CELA3B: variants seen among roughly 807,000 people sequenced by gnomAD.
The protein encoded by CELA3B is chymotrypsin like elastase 3B.
In CELA3B, 34 loss-of-function variants were observed where a neutral mutation model predicts 37.2. The ratio of observed to expected loss-of-function variants is 0.91; its 90% CI spans 0.70 to 1.22. CELA3B has a LOEUF of 1.22. CELA3B is among the 50% of genes most tolerant of loss of function. The pLI, the probability that CELA3B is intolerant of heterozygous loss-of-function variation, is 0.00. For missense variants in CELA3B, 340 were observed against 363.1 expected, an observed-to-expected ratio of 0.94 and a Z score of 0.52; for synonymous variants, 127 against 143.5, an observed-to-expected ratio of 0.89 and a Z score of 0.82.
At chr1:21,978,594 A>G (rs1644785567) in intron 2 of CELA3B, 140 bp downstream of exon 2, 1 of 1,039,326 alleles carries the variant, frequency 9.6e-7, no homozygotes, top group Non-Finnish European at 1.4e-6. Context: ...CCCTTGGACC[A>G]TCTACTTCAC....
In CELA3B at chr1:21,984,318, G is replaced by A. The variant is rs112944567; in HGVS notation, c.629G>A (p.Arg210His). Reference protein sequence around the residue: ...KTMVCAGGDIRSGCNGDSGGP... With the variant: ...KTMVCAGGDIHSGCNGDSGGP... ...ATGGTGTGTGCTGGAGGGGACATCC[G>A]CTCCGGCTGCAATGTGAGTCAGCTC... The change falls in exon 6 of 8, where the codon CGC (arginine) becomes CAC (histidine). Residue 210 changes from arginine to histidine, a missense_variant. By Grantham distance (29) the Arg-to-His change is conservative. Transcript: ENST00000337107. The A allele has an allele frequency of 0.017, 27,171 of 1,613,410 alleles. 368 individuals are homozygous for A. The highest frequency in any genetic ancestry group is 0.066 in the African/African-American group (4,958 of 74,984).
In CELA3B at chr1:21,984,306, G is replaced by C; in HGVS notation, c.617G>C (p.Gly206Ala). 6.2e-7 allele frequency: 1 copy of C among 1,614,036 alleles called. No homozygotes were observed. Among genetic ancestry groups the C allele is most frequent in the Non-Finnish European group, 8.5e-7 (1 of 1,179,984 alleles). Residue 206 changes from glycine (G) to alanine (A), a missense_variant, in exon 6 of 8, where the codon GGA (glycine) becomes GCA (alanine). Gly to Ala is a moderately conservative substitution (Grantham distance 60, BLOSUM62 0). Transcript: ENST00000337107. ...GTGAAGAAGACCATGGTGTGTGCTG[G>C]AGGGGACATCCGCTCCGGCTGCAAT... The part of the protein sequence containing the change: ...SSVKKTMVCA[G>A]GDIRSGCNGD...
downstream of CELA3B, among the ~76,000 whole-genome samples, chr1:21,993,625 C>T (rs1644877965): frequency 2.0e-5 from 3 of 150,156 alleles, no homozygotes; most frequent in Admixed American, 6.6e-5. Flanking sequence ...CTCACTGCAG[C>T]CTTGACCTCC....
At chr1:21,988,394 A>G (rs1399186238) in intron 7 of CELA3B, among the ~76,000 whole-genome samples, 3 of 151,714 alleles carry the variant, frequency 2.0e-5, no homozygotes, top group Non-Finnish European at 4.4e-5. Flanking sequence ...GTTCGAGACC[A>G]GCCTGGCCAA....
rs139314851 is a variant in CELA3B, at chr1:21,984,299, T to C, written c.610T>C (p.Cys204Arg). The change falls in exon 6 of 8, where the codon TGT (cysteine) becomes CGT (arginine). Residue 204 changes from cysteine (C) to arginine (R), a missense_variant. Coordinates refer to ENST00000337107, the MANE Select transcript of CELA3B (RefSeq NM_007352.4). ...WGSSVKKTMV[C>R]AGGDIRSGCN... ...TTCCTCCGTGAAGAAGACCATGGTG[T>C]GTGCTGGAGGGGACATCCGCTCCGG... The C allele has an allele frequency of 4.3e-5, 69 of 1,613,956 alleles. No homozygotes were observed. The highest frequency in any genetic ancestry group is 5.6e-5 in the Non-Finnish European group (66 of 1,180,004).
At chr1:21,985,668 G>A (rs1263825624) in intron 6 of CELA3B, among the ~76,000 whole-genome samples, 3 of 151,816 alleles carry the variant, frequency 2.0e-5, no homozygotes. Flanking sequence ...GAGCCGGGCG[G>A]ATCACGAGGT....
At position 21,977,608 on chromosome 1, in the gene CELA3B, T is replaced by C. The variant is rs571275643; in HGVS notation, c.43+526T>C. Among the ~76,000 whole-genome samples, 38 of 152,330 alleles carry C rather than the reference T, an allele frequency of 2.5e-4. No individual in the cohort carries two copies. In the South Asian group the frequency reaches 7.9e-3, roughly 32 times the overall value. Reference sequence around the variant, plus strand: ...TTAGGGTTTTCCTTATACTTTCTCATGTAATTCTCACAACAGCCTCAGGAG... The same window carrying C: ...TTAGGGTTTTCCTTATACTTTCTCACGTAATTCTCACAACAGCCTCAGGAG... On this transcript the variant is annotated intron_variant, in intron 1 of 7. Coordinates refer to ENST00000337107, the MANE Select transcript of CELA3B (RefSeq NM_007352.4).
At chr1:21,979,718 T>C (rs993655908) in intron 2 of CELA3B, among the ~76,000 whole-genome samples, 2 of 151,352 alleles carry the variant, frequency 1.3e-5, no homozygotes, top group Non-Finnish European at 2.9e-5. Flanking sequence ...CCTCCCACAG[T>C]GCTGGGATTA....
chr1:21,994,462 T>C (rs565438243), intron 4 of CELA3B, among the ~76,000 whole-genome samples: 1 of 150,948 alleles, frequency 6.6e-6, no homozygotes. Context: ...CTGGCTTCTC[T>C]GCACCTCCCT....
chr1:21,996,039 T>C (rs1644888727), intron 4 of CELA3B, among the ~76,000 whole-genome samples: 1 of 150,498 alleles, frequency 6.6e-6, no homozygotes, highest in African/African-American at 2.5e-5. Context: ...CATGGCAAAA[T>C]GAGGTCTCTA....
intron 4 of CELA3B, among the ~76,000 whole-genome samples, 168 bp downstream of exon 4, chr1:21,981,340 G>A (rs1001353295): frequency 1.5e-5 from 2 of 135,738 alleles, no homozygotes; most frequent in African/African-American, 2.7e-5. Flanking sequence ...AGCCAGAAGA[G>A]CCTTTAAGGA....
At chr1:21,986,475 C>A (rs1644839313) in intron 6 of CELA3B, 56 bp from the exon 7 acceptor site, 1 of 1,598,364 alleles carries the variant, frequency 6.3e-7, no homozygotes, top group East Asian at 2.2e-5. Context: ...AATTCAGAAC[C>A]AGTTCCATAA....
downstream of CELA3B, among the ~76,000 whole-genome samples, chr1:21,991,684 A>G (rs1644869394): frequency 6.6e-6 from 1 of 151,258 alleles, no homozygotes; most frequent in Non-Finnish European, 1.5e-5. Context: ...AAAGGGTTAT[A>G]GCCTGCATGG....
chr1:21,997,225 G>T (rs1478453350), intron 4 of CELA3B, among the ~76,000 whole-genome samples: 4 of 150,892 alleles, frequency 2.7e-5, no homozygotes, highest in Middle Eastern at 3.4e-3. Flanking sequence ...GCCGGGCGTG[G>T]TGGTACATGC....
rs138138024 is a variant in CELA3B, at chr1:21,981,183, G to C, written c.362+11G>C. The C allele has an allele frequency of 1.7e-3, 2,731 of 1,610,808 alleles. 36 individuals carry two copies. In the African/African-American group the frequency reaches 0.031, roughly 18 times the overall value. ...GTGTGTGGCCTGTGGGTGAGTGAAT[G>C]CTCCGGTCTGGAACCCAGAGGCTCC... On this transcript the variant is annotated intron_variant, in intron 4 of 7. Coordinates refer to ENST00000337107, the MANE Select transcript of CELA3B (RefSeq NM_007352.4).
At chr1:21,997,779 A>T (rs1309400099) in intron 4 of CELA3B, among the ~76,000 whole-genome samples, 1 of 151,218 alleles carries the variant, frequency 6.6e-6, no homozygotes, top group Non-Finnish European at 1.5e-5. Context: ...CTGGTTTATG[A>T]GTTACAACAA....
At chr1:21,991,282 C>T (rs1292076906), downstream of CELA3B, among the ~76,000 whole-genome samples, 1 of 139,458 alleles carries the variant, frequency 7.2e-6, no homozygotes, top group Non-Finnish European at 1.5e-5. Context: ...AAGCGATTCT[C>T]CTGCCTCAGC....
chr1:21,983,345 A>G (rs1175988502), intron 4 of CELA3B, among the ~76,000 whole-genome samples: 2 of 123,660 alleles, frequency 1.6e-5, no homozygotes, highest in Non-Finnish European at 3.4e-5. Context: ...ACAGAGCGAG[A>G]CTCTGACTCA....
chr1:21,991,298 G>A (rs879617479), downstream of CELA3B, among the ~76,000 whole-genome samples: 53 of 131,994 alleles, frequency 4.0e-4, 1 homozygote, highest in Middle Eastern at 0.011. Flanking sequence ...TCAGCCTTCC[G>A]AGTAGCTGGG....
Sources: allele counts gnomAD v4.1 joint callset (sites outside exome capture counted in the v4.1 genomes callset), GRCh38; gene constraint gnomAD v4.1.1; transcripts MANE v1.5; gene names NCBI Gene and HGNC (gene_info 2026-07-23, HGNC 2026-07-21).